Variants in GPCPD1 observed in about 807,000 individuals in gnomAD.
GPCPD1 encodes the protein glycerophosphocholine phosphodiesterase GPCPD1.
A neutral mutation model predicts 89.2 loss-of-function variants in GPCPD1; 29 were observed. The ratio of observed to expected loss-of-function variants is 0.33; its 90% confidence interval spans 0.24 to 0.44. The LOEUF is 0.44. Ranked by LOEUF, GPCPD1 falls within the 20% of genes least tolerant of loss-of-function variation. The pLI, the probability that GPCPD1 is intolerant of heterozygous loss-of-function variation, is 1.00. For synonymous variants in GPCPD1, 258 were observed against 266.3 expected (o/e 0.97, Z 0.30); for missense variants, 594 against 808.9 (o/e 0.73, Z 3.22).
Position 5,580,123 on chromosome 20 carries a change from C to G in GPCPD1, c.358G>C (p.Glu120Gln). Reference protein sequence around the residue: ...DGQFGIHNGVETLDSGWLTCQ... With the variant: ...DGQFGIHNGVQTLDSGWLTCQ... ...GTCAGCCATCCAGAATCCAGAGTTT[C>G]AACACCATCTGACAGAATAAATATG... Residue 120 changes from glutamate to glutamine, a missense_variant, in exon 7 of 20, where the codon GAA becomes CAA. Glu to Gln is a conservative substitution (Grantham distance 29, BLOSUM62 2). Coordinates refer to ENST00000379019, the MANE Select transcript of GPCPD1 (RefSeq NM_019593.5). 1.4e-6 allele frequency: 2 copies of G among 1,475,196 alleles called. No homozygotes were observed. The highest frequency in any genetic ancestry group is 3.5e-4 in the Middle Eastern group (2 of 5,754). 91.4% of individuals were successfully genotyped at this position (1,475,196 alleles called of 1,614,324 possible).
chr20:5,596,153 C>T (rs541776383), intron 3 of GPCPD1, among the ~76,000 whole-genome samples: 160 of 152,112 alleles, frequency 1.1e-3, no homozygotes, highest in African/African-American at 3.6e-3. Flanking sequence ...ATACCCAGCA[C>T]GCTGGGAGGC....
chr20:5,570,569 G>A (rs1011126776), intron 11 of GPCPD1, among the ~76,000 whole-genome samples: 1 of 152,174 alleles, frequency 6.6e-6, no homozygotes, highest in Non-Finnish European at 1.5e-5. Flanking sequence ...CCCAAGCTCA[G>A]GGATCCCACA....
At chr20:5,577,560 T>TA (rs1978297248) in intron 8 of GPCPD1, among the ~76,000 whole-genome samples, 1 of 152,142 alleles carries the variant, frequency 6.6e-6, no homozygotes, top group Admixed American at 6.5e-5. Context: ...TTTCATACTT[T>TA]TATAATAGAG....
intron 6 of GPCPD1, among the ~76,000 whole-genome samples, chr20:5,583,495 CCGAGA>C (rs1427831548): frequency 1.3e-5 from 2 of 152,248 alleles, no homozygotes; most frequent in Non-Finnish European, 2.9e-5. Context: ...CTGCAGTGAG[CCGAGA>C]CTGCACCACT....
chr20:5,585,974 C>T, intron 5 of GPCPD1: 1 of 412,532 alleles, frequency 2.4e-6, no homozygotes, highest in Non-Finnish European at 4.3e-6. Flanking sequence ...CCCAAGAAAA[C>T]AAAAATATCT....
chr20:5,571,220 C>A (rs1284554155), intron 11 of GPCPD1, among the ~76,000 whole-genome samples: 6 of 152,222 alleles, frequency 3.9e-5, no homozygotes, highest in African/African-American at 1.2e-4. Flanking sequence ...TCCTTGCAGA[C>A]TTCCGAAGCG....
chr20:5,557,599 G>C (rs1016649484), intron 19 of GPCPD1, among the ~76,000 whole-genome samples: 2 of 149,224 alleles, frequency 1.3e-5, no homozygotes, highest in Non-Finnish European at 2.9e-5. Flanking sequence ...TTGGAGATAC[G>C]TAAGTGTGAG....
intron 8 of GPCPD1, among the ~76,000 whole-genome samples, chr20:5,577,824 A>AT (rs1333906315): frequency 1.3e-5 from 2 of 152,222 alleles, no homozygotes; most frequent in African/African-American, 4.8e-5. Context: ...TGTTGGGGAA[A>AT]TATGAACAGC....
Position 5,593,424 on chromosome 20 carries a change from A to T in GPCPD1, c.147-13T>A. 2 of 1,452,116 alleles carry T rather than the reference A, an allele frequency of 1.4e-6. No individual in the cohort carries two copies. The highest frequency in any genetic ancestry group is 1.9e-6 in the Non-Finnish European group (2 of 1,035,378). 90.0% of individuals were successfully genotyped at this position (1,452,116 alleles called of 1,614,324 possible). On this transcript the variant is annotated splice_polypyrimidine_tract_variant and intron_variant, in intron 3 of 19. Coordinates refer to ENST00000379019, the MANE Select transcript of GPCPD1 (RefSeq NM_019593.5). ...TTTCCATAGCATGCTGTGAAGAAAG[A>T]AAATTAAAAGCAGCAGCATCAATAT...
intron 8 of GPCPD1, among the ~76,000 whole-genome samples, 168 bp from the exon 9 acceptor site, chr20:5,576,146 G>T (rs1313556831): frequency 6.6e-6 from 1 of 151,272 alleles, no homozygotes; most frequent in Non-Finnish European, 1.5e-5. Flanking sequence ...TTCGGCCGGG[G>T]TCAGTGGCTC....
chr20:5,566,882 G>A lies in GPCPD1; in HGVS notation c.1228-110C>T, dbSNP rs1163201942. ...AGCAAGATAAAAAAGCCTATAAAAC[G>A]TAGAACTATCAGTTTAATAAGAATA... On this transcript the variant is annotated intron_variant, in intron 13 of 19. Coordinates refer to ENST00000379019, the MANE Select transcript of GPCPD1 (RefSeq NM_019593.5). 19 of 708,696 alleles carry A rather than the reference G, an allele frequency of 2.7e-5. 1 individual carries two copies. Among genetic ancestry groups the A allele is most frequent in the African/African-American group, 5.4e-5 (3 of 55,828 alleles). 43.9% of individuals were successfully genotyped at this position (708,696 alleles called of 1,614,324 possible). A position where few individuals can be genotyped will look rare whatever the true frequency, so the allele number is the denominator to read the frequency against.
Position 5,545,465 on chromosome 20 carries a change from C to T in GPCPD1, c.*2196G>A, listed in dbSNP as rs1299354519. 6.6e-6 allele frequency: 1 copy of T among 152,154 alleles called. No individual in the cohort carries two copies. The allele number at this position is 152,154 out of a possible 1,614,324, so 9.4% of individuals were successfully genotyped here. On this transcript the variant is annotated 3_prime_UTR_variant, in exon 20 of 20. Transcript: ENST00000379019. ...GGATTCATCCTTCCTGAAGTTTCCA[C>T]AAGGGCTCAGGAGAGAGGTCTTGGG...
At chr20:5,578,639 C>T (rs1978310537) in intron 7 of GPCPD1, 28 bp from the exon 8 acceptor site, 5 of 1,384,180 alleles carry the variant, frequency 3.6e-6, no homozygotes, top group Admixed American at 1.7e-5. Context: ...TAATGAGATG[C>T]AAGAAGTGGC....
chr20:5,591,990 T>A (rs569261857), intron 4 of GPCPD1, among the ~76,000 whole-genome samples: 1 of 152,342 alleles, frequency 6.6e-6, no homozygotes, highest in South Asian at 2.1e-4. Flanking sequence ...GCCAATTTTT[T>A]CAAAAGGTAT....
At chr20:5,604,790 C>CACACACACACAT (rs909993579) in intron 1 of GPCPD1, among the ~76,000 whole-genome samples, 1 of 150,688 alleles carries the variant, frequency 6.6e-6, no homozygotes, top group African/African-American at 2.5e-5. Context: ...CACACACACA[C>CACACACACACAT]ACACACACAC....
intron 8 of GPCPD1, 66 bp from the exon 9 acceptor site, chr20:5,576,044 CA>C: frequency 1.9e-6 from 1 of 523,832 alleles, no homozygotes; most frequent in Non-Finnish European, 3.4e-6. Flanking sequence ...TACATATACA[CA>C]CACACACACA....
intron 12 of GPCPD1, among the ~76,000 whole-genome samples, chr20:5,568,863 A>ACAT (rs1986549171): frequency 1.3e-5 from 2 of 152,188 alleles, no homozygotes; most frequent in South Asian, 4.1e-4. Context: ...AGCCAAGATC[A>ACAT]CATCACTGCA....
At chr20:5,576,047 AC>A in intron 8 of GPCPD1, 69 bp from the exon 9 acceptor site, 1 of 630,300 alleles carries the variant, frequency 1.6e-6, no homozygotes, top group African/African-American at 1.8e-5. Flanking sequence ...ATATACACAC[AC>A]ACACACACAC....
At chr20:5,574,409 A>G (rs1285477444) in intron 10 of GPCPD1, among the ~76,000 whole-genome samples, 3 of 152,186 alleles carry the variant, frequency 2.0e-5, no homozygotes, top group Non-Finnish European at 4.4e-5. Flanking sequence ...TCTATTCATA[A>G]TAAGAACAGA....
Sources: gnomAD v4.1 joint callset for allele counts (sites outside exome capture counted in the v4.1 genomes callset) on GRCh38, gnomAD v4.1.1 for gene constraint, MANE v1.5 for transcripts, NCBI Gene and HGNC (gene_info 2026-07-23, HGNC 2026-07-21) for gene names.